The following IQCH variants were observed in gnomAD, a reference collection of about 807,000 sequenced individuals.
IQCH encodes the protein IQ domain-containing protein H.
A neutral mutation model predicts 117.0 loss-of-function variants in IQCH; 98 were observed. That is an observed-to-expected ratio of 0.84 (90% CI 0.71 to 0.99). The LOEUF (loss-of-function observed/expected upper bound fraction) is 0.99, where lower values mean the gene tolerates loss of function less well. Among genes scored for constraint, IQCH ranks in the 50% least tolerant of loss-of-function variants. The probability of loss-of-function intolerance (pLI) is 0.00; values close to 1 mark genes in which losing one functional copy is unlikely to be tolerated. For synonymous variants in IQCH, 412 were observed against 448.2 expected (o/e 0.92, Z 1.02); for missense variants, 1,102 against 1,243.8 (o/e 0.89, Z 1.72).
intron 4 of IQCH, among the ~76,000 whole-genome samples, chr15:67,316,103 T>C (rs1358180155): frequency 6.6e-6 from 1 of 152,184 alleles, no homozygotes; most frequent in Non-Finnish European, 1.5e-5. Context: ...TAATACGTTA[T>C]ATGAGCTTGC....
chr15:67,327,795 T>C (rs963971764), intron 4 of IQCH, among the ~76,000 whole-genome samples: 10 of 152,194 alleles, frequency 6.6e-5, no homozygotes, highest in Admixed American at 3.9e-4. Flanking sequence ...CTCTTTCAGA[T>C]ACATGGAGCT....
intron 4 of IQCH, among the ~76,000 whole-genome samples, chr15:67,288,657 G>A (rs1311845165): frequency 6.6e-6 from 1 of 151,854 alleles, no homozygotes; most frequent in Non-Finnish European, 1.5e-5. Flanking sequence ...TGCATTTCTT[G>A]TAGGCAACAT....
At chr15:67,334,581 G>A (rs74448879) in intron 4 of IQCH, among the ~76,000 whole-genome samples, 1,584 of 152,212 alleles carry the variant, frequency 0.01, 26 homozygotes, top group African/African-American at 0.037. Context: ...CTTTGGCTAC[G>A]CATCAGAATC....
intron 13 of IQCH, among the ~76,000 whole-genome samples, chr15:67,399,650 T>A (rs565429742): frequency 2.5e-4 from 38 of 152,322 alleles, no homozygotes; most frequent in Non-Finnish European, 4.7e-4. Context: ...AAATTAAATG[T>A]TTTATAGTTT....
intron 18 of IQCH, among the ~76,000 whole-genome samples, chr15:67,483,635 C>T (rs1483722171): frequency 1.3e-5 from 2 of 152,154 alleles, no homozygotes; most frequent in African/African-American, 4.8e-5. Flanking sequence ...TTTTTCTTGA[C>T]CTCATGACCT....
At position 67,459,033 on chromosome 15, in the gene IQCH, G is replaced by C. The variant is rs969797039; in HGVS notation, c.2506-6094G>C. Among the ~76,000 whole-genome samples, 1 of 152,194 alleles carries C rather than the reference G, an allele frequency of 6.6e-6. No individual in the cohort carries two copies. The highest frequency in any genetic ancestry group is 1.9e-4 in the East Asian group (1 of 5,200). ...ATACATCTGGAGGCAACAGAGGGAG[G>C]ATTCACCCAGACTACTATCCCCAGT... On this transcript the variant is annotated intron_variant, in intron 16 of 20. Coordinates refer to ENST00000335894, the MANE Select transcript of IQCH (RefSeq NM_001031715.3). This position sits in a 1 kb window ranked among gnomAD's most constrained non-coding sequence, Gnocchi z 4.2.
At chr15:67,428,269 T>C (rs1008883856) in intron 16 of IQCH, among the ~76,000 whole-genome samples, 1 of 152,080 alleles carries the variant, frequency 6.6e-6, no homozygotes, top group Non-Finnish European at 1.5e-5. Context: ...TCACAAGCAA[T>C]ATATGCAATA....
chr15:67,261,977 T>C (rs912925584), intron 2 of IQCH, among the ~76,000 whole-genome samples: 2 of 152,134 alleles, frequency 1.3e-5, no homozygotes, highest in Middle Eastern at 3.4e-3. Flanking sequence ...TAGTCCCAGC[T>C]ACTCAGGAGG....
intron 4 of IQCH, among the ~76,000 whole-genome samples, chr15:67,329,168 G>A (rs571565569): frequency 3.6e-4 from 55 of 152,104 alleles, no homozygotes; most frequent in Non-Finnish European, 6.5e-4. Flanking sequence ...GCCTGGTGGT[G>A]TGCACCTGTA....
chr15:67,361,974 ATC>A (rs1377032495), intron 8 of IQCH, among the ~76,000 whole-genome samples: 1 of 152,178 alleles, frequency 6.6e-6, no homozygotes, highest in African/African-American at 2.4e-5. Context: ...GATAATAAAA[ATC>A]TATTTTATGG....
Position 67,456,366 on chromosome 15 carries a change from G to A in IQCH, c.2506-8761G>A, listed in dbSNP as rs1185021737. Among the ~76,000 whole-genome samples the A allele has an allele frequency of 6.6e-6, 1 of 152,168 alleles. No individual in the cohort carries two copies. The highest frequency in any genetic ancestry group is 1.5e-5 in the Non-Finnish European group (1 of 68,022). On this transcript the variant is annotated intron_variant, in intron 16 of 20. Transcript: ENST00000335894. This position sits in a 1 kb window ranked among gnomAD's most constrained non-coding sequence, Gnocchi z 5.1. ...ATAGAAAGAACTAGCCTGGAAGTCAGGAACTTGGGCTTTGATTCTAGTTCC... is the reference window on the plus strand; with the variant it reads ...ATAGAAAGAACTAGCCTGGAAGTCAAGAACTTGGGCTTTGATTCTAGTTCC...
chr15:67,402,534 G>A (rs147668099), intron 14 of IQCH, among the ~76,000 whole-genome samples: 17 of 152,230 alleles, frequency 1.1e-4, no homozygotes, highest in African/African-American at 4.1e-4. Flanking sequence ...ACGAGCACAG[G>A]CATGTTTTAA....
intron 16 of IQCH, among the ~76,000 whole-genome samples, chr15:67,428,920 G>C (rs1192908657): frequency 6.6e-6 from 1 of 151,916 alleles, no homozygotes; most frequent in Non-Finnish European, 1.5e-5. Context: ...ATGCTGTGCT[G>C]CTGGCCTTGA....
At chr15:67,336,908 T>C in intron 4 of IQCH, 67 bp from the exon 5 acceptor site, 2 of 1,497,786 alleles carry the variant, frequency 1.3e-6, no homozygotes, top group Middle Eastern at 3.5e-4. Context: ...TATTTATTGT[T>C]TACAAGAAGA....
At chr15:67,480,876 T>C (rs1306191230) in intron 18 of IQCH, among the ~76,000 whole-genome samples, 1 of 152,054 alleles carries the variant, frequency 6.6e-6, no homozygotes, top group Non-Finnish European at 1.5e-5. Flanking sequence ...CATTGCCGAC[T>C]GCATTTGGCA....
chr15:67,473,981 C>T lies in IQCH; in HGVS notation c.2677-1715C>T, dbSNP rs887275560. Among the ~76,000 whole-genome samples, 2 of 151,892 alleles carry T rather than the reference C, an allele frequency of 1.3e-5. No homozygotes were observed. The highest frequency in any genetic ancestry group is 1.3e-4 in the Admixed American group (2 of 15,256). On this transcript the variant is annotated intron_variant, in intron 17 of 20. Coordinates refer to ENST00000335894, the MANE Select transcript of IQCH (RefSeq NM_001031715.3). The surrounding 1 kb of genome is among the most constrained non-coding windows in gnomAD (Gnocchi z 4.9). The stretch of plus-strand genomic sequence containing the variant: ...GCACTGATGATGTGACCTTCGGACA[C>T]AGGACTTGATGTAAATGTTGAAGAA...
chr15:67,421,727 T>C, intron 16 of IQCH, 150 bp downstream of exon 16: 2 of 782,302 alleles, frequency 2.6e-6, no homozygotes, highest in Middle Eastern at 5.6e-4. Context: ...ATATGGCCCA[T>C]GCGAATCCAA....
rs2414955 is a variant in IQCH at position 67,436,062 on chromosome 15, A to C, written c.2505+14485A>C. On this transcript the variant is annotated intron_variant, in intron 16 of 20. Transcript: ENST00000335894. This position sits in a 1 kb window ranked among gnomAD's most constrained non-coding sequence, Gnocchi z 5.1. ...GGCTTTACCTATTTCTTAAGACAAT[A>C]CTCAATCACCCCCTCCCAGCATATG... 0.14 allele frequency among the ~76,000 whole-genome samples: 21,213 copies of C among 152,072 alleles called. 1,529 individuals carry two copies. Among genetic ancestry groups the C allele is most frequent in the East Asian group, 0.21 (1,066 of 5,154 alleles).
rs551922859 is a variant in IQCH, at chr15:67,417,755, C to T, written c.2218+704C>T. 4.2e-4 allele frequency among the ~76,000 whole-genome samples: 64 copies of T among 152,220 alleles called. No homozygotes were observed. The highest frequency in any genetic ancestry group is 1.3e-3 in the African/African-American group (56 of 41,528). On this transcript the variant is annotated intron_variant, in intron 15 of 20. Coordinates refer to ENST00000335894, the MANE Select transcript of IQCH (RefSeq NM_001031715.3). This position sits in a 1 kb window ranked among gnomAD's most constrained non-coding sequence, Gnocchi z 4.3. ...GTTACACAGAGGCACACCTATGCAA[C>T]GGCCCTCAGTCTCTAGGAGGTTACA...
Sources: allele counts gnomAD v4.1 joint callset (sites outside exome capture counted in the v4.1 genomes callset), GRCh38; gene constraint gnomAD v4.1.1; non-coding constraint Gnocchi (gnomAD v3.1); transcripts MANE v1.5; gene names NCBI Gene and HGNC (gene_info 2026-07-23, HGNC 2026-07-21).